Variants in ZNF385B observed in about 807,000 individuals in gnomAD.
The protein encoded by ZNF385B is zinc finger protein 533.
ZNF385B carries 23 observed loss-of-function variants against 39.2 expected under a neutral mutation model. The observed-to-expected ratio is 0.59, with a 90% CI of 0.42 to 0.83. The LOEUF is 0.83. Among genes scored for constraint, ZNF385B ranks in the 40% least tolerant of loss-of-function variants. ZNF385B has a pLI of 0.00. For synonymous variants in ZNF385B, 205 were observed against 222.6 expected (o/e 0.92, Z 0.70); for missense variants, 552 against 598.9 (o/e 0.92, Z 0.82).
In ZNF385B at chr2:179,610,351, A is replaced by G. The variant is rs534721892; in HGVS notation, c.299-65382T>C. 4.3e-4 allele frequency among the ~76,000 whole-genome samples: 66 copies of G among 152,274 alleles called. 1 individual carries two copies. Among genetic ancestry groups the G allele is most frequent in the African/African-American group, 1.3e-3 (54 of 41,568 alleles). ...CTCTGTTCTTTGCATTTTTGTCAAA[A>G]TGAGTTCCCTACAGACTTAATGGAT... On this transcript the variant is annotated intron_variant, in intron 3 of 9. Coordinates refer to ENST00000410066, the MANE Select transcript of ZNF385B (RefSeq NM_152520.6).
At chr2:179,810,381 G>T (rs1338058033) in intron 1 of ZNF385B, among the ~76,000 whole-genome samples, 2 of 151,826 alleles carry the variant, frequency 1.3e-5, no homozygotes, top group Non-Finnish European at 3.0e-5. Flanking sequence ...AAAGTTTGTT[G>T]ATTTTACTAA....
At chr2:179,498,400 C>T (rs1056227817) in intron 5 of ZNF385B, among the ~76,000 whole-genome samples, 6 of 151,960 alleles carry the variant, frequency 3.9e-5, no homozygotes, top group African/African-American at 9.7e-5. Flanking sequence ...TTCTTTTCCT[C>T]AACACATGGA....
At chr2:179,462,798 T>C (rs562955701) in intron 6 of ZNF385B, among the ~76,000 whole-genome samples, 2 of 152,286 alleles carry the variant, frequency 1.3e-5, no homozygotes, top group African/African-American at 4.8e-5. Context: ...AATGATCAGA[T>C]ACAACTCTCA....
chr2:179,606,042 A>T (rs112986940), intron 3 of ZNF385B, among the ~76,000 whole-genome samples: 3 of 152,172 alleles, frequency 2.0e-5, no homozygotes, highest in African/African-American at 7.2e-5. Flanking sequence ...AGTACAAATT[A>T]TTATATTTTT....
chr2:179,475,835 G>C (rs2053383019), intron 6 of ZNF385B, among the ~76,000 whole-genome samples: 1 of 150,672 alleles, frequency 6.6e-6, no homozygotes, highest in African/African-American at 2.4e-5. Flanking sequence ...TGGCTAACAT[G>C]GGTAAACCCT....
At chr2:179,529,275 C>A (rs573241239) in intron 4 of ZNF385B, among the ~76,000 whole-genome samples, 1 of 152,060 alleles carries the variant, frequency 6.6e-6, no homozygotes, top group African/African-American at 2.4e-5. Context: ...GGTAATGAGC[C>A]GAATTATGTC....
chr2:179,845,446 C>T (rs1332278403), intron 1 of ZNF385B, among the ~76,000 whole-genome samples: 1 of 152,150 alleles, frequency 6.6e-6, no homozygotes, highest in Non-Finnish European at 1.5e-5. Flanking sequence ...GGGTACTCTG[C>T]CAGTACAAAA....
At chr2:179,545,536 GT>G (rs1384248812) in intron 3 of ZNF385B, among the ~76,000 whole-genome samples, 1 of 152,106 alleles carries the variant, frequency 6.6e-6, no homozygotes, top group Non-Finnish European at 1.5e-5. Context: ...AAGTAAATGG[GT>G]AGTCTAGACA....
intron 3 of ZNF385B, among the ~76,000 whole-genome samples, chr2:179,591,388 TACAG>T (rs1443067643): frequency 6.6e-6 from 1 of 152,024 alleles, no homozygotes; most frequent in Non-Finnish European, 1.5e-5. Context: ...ACCAAGGAAA[TACAG>T]AGAGCAATGA....
chr2:179,856,267 C>T (rs1280915654), intron 1 of ZNF385B, among the ~76,000 whole-genome samples: 1 of 152,022 alleles, frequency 6.6e-6, no homozygotes, highest in Non-Finnish European at 1.5e-5. Flanking sequence ...GAACAGGAAC[C>T]TGAAACAGGA....
chr2:179,581,846 T>C (rs1211028650), intron 3 of ZNF385B, among the ~76,000 whole-genome samples: 1 of 152,172 alleles, frequency 6.6e-6, no homozygotes, highest in Non-Finnish European at 1.5e-5. Flanking sequence ...ATCTGGAATG[T>C]GGAAGTGCAC....
At chr2:179,554,910 G>T (rs892630339) in intron 3 of ZNF385B, among the ~76,000 whole-genome samples, 11 of 149,222 alleles carry the variant, frequency 7.4e-5, no homozygotes, top group African/African-American at 2.0e-4. Context: ...AGTGTAAATT[G>T]TCACAGCTAC....
intron 3 of ZNF385B, among the ~76,000 whole-genome samples, chr2:179,634,973 C>CAAAAAAAAAAA (rs66671134): frequency 4.1e-4 from 47 of 115,504 alleles, no homozygotes; most frequent in Non-Finnish European, 6.5e-4. Flanking sequence ...ACTAAAAATA[C>CAAAAAAAAAAA]AAAAAAAAAA....
intron 3 of ZNF385B, among the ~76,000 whole-genome samples, chr2:179,737,534 T>C (rs967864192): frequency 3.9e-5 from 6 of 152,144 alleles, no homozygotes; most frequent in African/African-American, 1.4e-4. Context: ...GGTTTTAACT[T>C]TCAGACCCTA....
chr2:179,481,254 A>G (rs1401912703), intron 6 of ZNF385B: 1 of 152,112 alleles, frequency 6.6e-6, no homozygotes, highest in Non-Finnish European at 1.5e-5. Context: ...CTTAAACTTT[A>G]TTTCAAAATA....
At chr2:179,857,566 T>C (rs988263496) in intron 1 of ZNF385B, among the ~76,000 whole-genome samples, 2 of 152,182 alleles carry the variant, frequency 1.3e-5, no homozygotes, top group Non-Finnish European at 2.9e-5. Flanking sequence ...CTCAGAGACC[T>C]GCTGTGTTAA....
chr2:179,510,775 G>C (rs2057619000), intron 5 of ZNF385B, among the ~76,000 whole-genome samples: 1 of 152,122 alleles, frequency 6.6e-6, no homozygotes. Context: ...AAGGAGAAGA[G>C]TTGGAGGAGA....
chr2:179,497,987 A>G (rs2056402105), intron 5 of ZNF385B, among the ~76,000 whole-genome samples: 1 of 152,138 alleles, frequency 6.6e-6, no homozygotes, highest in East Asian at 1.9e-4. Context: ...ATATAGTGAT[A>G]AAGGGGTCAA....
At chr2:179,852,076 G>T (rs1684216481) in intron 1 of ZNF385B, among the ~76,000 whole-genome samples, 1 of 152,218 alleles carries the variant, frequency 6.6e-6, no homozygotes, top group South Asian at 2.1e-4. Context: ...TGCAAGGGCT[G>T]AAAGAGGAGG....
Sources: gnomAD v4.1 joint callset for allele counts (sites outside exome capture counted in the v4.1 genomes callset) on GRCh38, gnomAD v4.1.1 for gene constraint, MANE v1.5 for transcripts, NCBI Gene and HGNC (gene_info 2026-07-23, HGNC 2026-07-21) for gene names.